Variants in ABHD12 observed in about 807,000 individuals in gnomAD.
ABHD12 encodes the protein lysophosphatidylserine lipase ABHD12.
ABHD12 carries 43 observed loss-of-function variants against 58.3 expected under a neutral mutation model. The ratio of observed to expected loss-of-function variants is 0.74; its 90% CI spans 0.58 to 0.95. ABHD12 has a LOEUF of 0.95. ABHD12 is among the 40% of genes least tolerant of loss of function. The pLI is 0.00. For synonymous variants in ABHD12, 219 were observed against 211.2 expected (o/e 1.04, Z -0.32); for missense variants, 539 against 537.2 (o/e 1.00, Z -0.03).
intron 8 of ABHD12, 136 bp from the exon 9 acceptor site, chr20:25,308,181 T>C: frequency 1.3e-6 from 1 of 779,506 alleles, no homozygotes; most frequent in Non-Finnish European, 2.2e-6. Flanking sequence ...TCGGCAGGCC[T>C]CAGATAGCAC....
chr20:25,302,264 C>G lies in ABHD12; in HGVS notation c.1112G>C (p.Arg371Thr), dbSNP rs750935234. 6 of 1,613,698 alleles carry G rather than the reference C, an allele frequency of 3.7e-6. No homozygotes were observed. In the South Asian group the frequency reaches 6.6e-5, roughly 18 times the overall value. ...FVPFHSDLGY[R>T]HKYIYKSPEL... is the part of the protein sequence containing the mutation. ...AGGGCTCTTGTAAATGTATTTGTGC[C>G]TGTAGCCAAGGTCTGAATGAAAGGG... Residue 371 changes from arginine (R) to threonine (T), a missense_variant, in exon 12 of 13, where the codon AGG becomes ACG. By Grantham distance (71) the Arg-to-Thr change is moderately conservative. Transcript: ENST00000339157.
chr20:25,324,040 T>C (rs746099079), intron 2 of ABHD12, among the ~76,000 whole-genome samples: 13 of 152,124 alleles, frequency 8.5e-5, no homozygotes, highest in Non-Finnish European at 1.9e-4. Context: ...ATAGGACCCA[T>C]GCAGAGCAGA....
Position 25,379,300 on chromosome 20 carries a change from T to C in ABHD12, c.191+11213A>G, listed in dbSNP as rs2089995703. On this transcript the variant is annotated intron_variant, in intron 1 of 12. Transcript: ENST00000339157. ...AACATTAAATGTCAGAAAGACGATA[T>C]GAGAGCTCAGACTGCGCCCACGTGG... 4.6e-5 allele frequency among the ~76,000 whole-genome samples: 7 copies of C among 152,214 alleles called. No homozygotes were observed. The South Asian group carries it at 1.2e-3, about 27-fold the overall frequency.
chr20:25,359,348 CGGGAGG>C (rs2089710962), intron 1 of ABHD12, among the ~76,000 whole-genome samples: 1 of 138,552 alleles, frequency 7.2e-6, no homozygotes, highest in Non-Finnish European at 1.5e-5. Context: ...GGCGTGAACC[CGGGAGG>C]CGGAGCTTGC....
chr20:25,369,906 C>T (rs983871490), intron 1 of ABHD12, among the ~76,000 whole-genome samples: 14 of 127,290 alleles, frequency 1.1e-4, no homozygotes, highest in Non-Finnish European at 2.2e-4. Flanking sequence ...ACAGCAAGAC[C>T]CTGTTTCTCT....
chr20:25,371,677 A>G (rs1187123202), intron 1 of ABHD12, among the ~76,000 whole-genome samples: 1 of 152,196 alleles, frequency 6.6e-6, no homozygotes, highest in Non-Finnish European at 1.5e-5. Flanking sequence ...ATACAAAGTT[A>G]GCTTCATGCC....
intron 2 of ABHD12, among the ~76,000 whole-genome samples, chr20:25,326,193 G>A (rs1309440839): frequency 2.0e-5 from 3 of 151,580 alleles, no homozygotes; most frequent in African/African-American, 4.8e-5. Context: ...GAGGGAGTGG[G>A]GGGAGGGAAA....
chr20:25,325,179 C>T (rs1458197078), intron 2 of ABHD12, among the ~76,000 whole-genome samples: 3 of 135,660 alleles, frequency 2.2e-5, no homozygotes, highest in Non-Finnish European at 4.6e-5. Flanking sequence ...GTACTCCAGC[C>T]TGAGTGACAG....
downstream of ABHD12, among the ~76,000 whole-genome samples, chr20:25,299,215 G>A (rs557124738): frequency 1.8e-4 from 27 of 152,196 alleles, no homozygotes; most frequent in Middle Eastern, 3.4e-3. Context: ...TGGGCAACAT[G>A]GCAAAACCCC....
intron 1 of ABHD12, among the ~76,000 whole-genome samples, chr20:25,365,945 T>C (rs1269242637): frequency 6.6e-6 from 1 of 152,120 alleles, no homozygotes; most frequent in Non-Finnish European, 1.5e-5. Context: ...GAGGCTGAGT[T>C]GGGAGGACTG....
intron 1 of ABHD12, among the ~76,000 whole-genome samples, chr20:25,380,133 C>T (rs1485501588): frequency 6.6e-6 from 1 of 152,156 alleles, no homozygotes; most frequent in Non-Finnish European, 1.5e-5. Context: ...GTGTAATTCC[C>T]TTCAGTGTAA....
chr20:25,325,429 A>C (rs2089158561), intron 2 of ABHD12, among the ~76,000 whole-genome samples: 1 of 152,170 alleles, frequency 6.6e-6, no homozygotes, highest in Non-Finnish European at 1.5e-5. Context: ...CCTTACTTGG[A>C]AACAGTGTCT....
At chr20:25,299,689 G>T (rs6115136), downstream of ABHD12, among the ~76,000 whole-genome samples, 1 of 152,230 alleles carries the variant, frequency 6.6e-6, no homozygotes, top group East Asian at 1.9e-4. Context: ...AGACATTCTA[G>T]GATGCCACGT....
At chr20:25,327,631 T>A (rs2089198390) in intron 2 of ABHD12, among the ~76,000 whole-genome samples, 1 of 152,130 alleles carries the variant, frequency 6.6e-6, no homozygotes, top group Non-Finnish European at 1.5e-5. Flanking sequence ...GGAACTTAGT[T>A]TATAGTTTAA....
intron 1 of ABHD12, among the ~76,000 whole-genome samples, chr20:25,380,530 G>C (rs1225265897): frequency 2.0e-5 from 3 of 151,822 alleles, no homozygotes; most frequent in Non-Finnish European, 4.4e-5. Context: ...AAAGCTACCT[G>C]CATTTCCTCT....
intron 1 of ABHD12, among the ~76,000 whole-genome samples, chr20:25,381,905 G>A (rs925027255): frequency 3.3e-5 from 5 of 152,100 alleles, no homozygotes; most frequent in Non-Finnish European, 5.9e-5. Flanking sequence ...TGATCTGCCT[G>A]CCTCGGCCTC....
intron 1 of ABHD12, among the ~76,000 whole-genome samples, chr20:25,379,396 T>A (rs2146127539): frequency 6.6e-6 from 1 of 152,316 alleles, no homozygotes; most frequent in South Asian, 2.1e-4. Context: ...TGCTGCTTAT[T>A]TCCTAAGGAC....
intron 6 of ABHD12, 140 bp from the exon 7 acceptor site, chr20:25,309,715 C>A: frequency 8.2e-7 from 1 of 1,226,830 alleles, no homozygotes; most frequent in Non-Finnish European, 1.1e-6. Flanking sequence ...TCCACAGACC[C>A]ACCCAGGCCA....
Position 25,314,957 on chromosome 20 carries a change from A to G in ABHD12, c.587T>C (p.Leu196Pro). The change falls in exon 6 of 13, where the codon CTT becomes CCT. Residue 196 changes from leucine (L) to proline (P), a missense_variant. Coordinates refer to ENST00000339157, the MANE Select transcript of ABHD12 (RefSeq NM_001042472.3). ...RVELYKVLSS[L>P]GYHVVTFDYR... ...GTCAAAGGTGACCACATGGTAACCA[A>G]GGGAACTCAGCACCTGTAAAGTGAA... The G allele has an allele frequency of 6.2e-7, 1 of 1,614,278 alleles. No homozygotes were observed. The highest frequency in any genetic ancestry group is 1.1e-5 in the South Asian group (1 of 91,092).
Sources: allele counts gnomAD v4.1 joint callset (sites outside exome capture counted in the v4.1 genomes callset), GRCh38; gene constraint gnomAD v4.1.1; transcripts MANE v1.5; gene names NCBI Gene and HGNC (gene_info 2026-07-23, HGNC 2026-07-21).